The following EYS variants were observed in gnomAD, a reference collection of about 807,000 sequenced individuals.
EYS encodes the protein EGF-like photoreceptor maintenance factor, also known as protein eyes shut homolog.
A neutral mutation model predicts 282.1 loss-of-function variants in EYS; 250 were observed. The ratio of observed to expected loss-of-function variants is 0.89; its 90% CI spans 0.80 to 0.98. EYS has a LOEUF of 0.98. Among genes scored for constraint, EYS ranks in the 50% least tolerant of loss-of-function variants. The probability of loss-of-function intolerance (pLI) is 0.00; values close to 1 mark genes in which losing one functional copy is unlikely to be tolerated. For missense variants in EYS, 4,016 were observed against 3,709.0 expected (o/e 1.08, Z -2.15); for synonymous variants, 1,355 against 1,282.9 (o/e 1.06, Z -1.20).
chr6:64,748,806 T>C (rs551972966), intron 22 of EYS, among the ~76,000 whole-genome samples: 93 of 152,332 alleles, frequency 6.1e-4, no homozygotes, highest in African/African-American at 2.0e-3. Context: ...GGAGTCTCAC[T>C]CTGTTGCCCA....
At chr6:64,681,547 C>G (rs138347131) in intron 22 of EYS, among the ~76,000 whole-genome samples, 21 of 152,176 alleles carry the variant, frequency 1.4e-4, no homozygotes, top group African/African-American at 5.1e-4. Context: ...GCTCTTCCCT[C>G]GTCCACTAGG....
chr6:64,854,349 C>T (rs1011197704), intron 19 of EYS, among the ~76,000 whole-genome samples: 2 of 151,896 alleles, frequency 1.3e-5, no homozygotes, highest in Non-Finnish European at 2.9e-5. Context: ...TGGAACCAAC[C>T]CAAATGTCCA....
At chr6:65,266,180 AT>A (rs1220804223) in intron 12 of EYS, among the ~76,000 whole-genome samples, 3 of 151,942 alleles carry the variant, frequency 2.0e-5, no homozygotes, top group Admixed American at 2.0e-4. Flanking sequence ...TAACTGTTCA[AT>A]CAACTTAAGA....
intron 31 of EYS, among the ~76,000 whole-genome samples, chr6:64,128,097 A>C (rs901802719): frequency 6.6e-6 from 1 of 152,098 alleles, no homozygotes; most frequent in African/African-American, 2.4e-5. Flanking sequence ...ACATCTAAAG[A>C]GCTTCATAAA....
intron 31 of EYS, among the ~76,000 whole-genome samples, chr6:64,207,185 C>T (rs965152932): frequency 6.6e-5 from 10 of 151,992 alleles, no homozygotes; most frequent in African/African-American, 2.2e-4. Context: ...TAGATTAATG[C>T]TATTATCCTG....
At chr6:65,595,227 C>A (rs1332666185) in intron 2 of EYS, among the ~76,000 whole-genome samples, 5 of 151,950 alleles carry the variant, frequency 3.3e-5, no homozygotes, top group African/African-American at 4.8e-5. Flanking sequence ...GAACAAAAAA[C>A]CAAACACCAC....
In EYS at chr6:64,058,235, C is replaced by G. The variant is rs184720726; in HGVS notation, c.6725+8103G>C. Among the ~76,000 whole-genome samples, 119 of 151,562 alleles carry G rather than the reference C, an allele frequency of 7.9e-4. No homozygotes were observed. In the East Asian group the frequency reaches 0.02, roughly 25 times the overall value. On this transcript the variant is annotated intron_variant, in intron 33 of 42. Coordinates refer to ENST00000503581, the MANE Select transcript of EYS (RefSeq NM_001142800.2). ...CTTCTGCCATGATTGTGAGGCCTCC[C>G]CAGTCATGTGGAACTGTGAGTCCAT...
chr6:64,982,104 T>C (rs1049142466), intron 14 of EYS, among the ~76,000 whole-genome samples: 7 of 151,360 alleles, frequency 4.6e-5, no homozygotes, highest in Non-Finnish European at 1.0e-4. Flanking sequence ...GCTTAATTAG[T>C]GGGTGTGGCA....
chr6:63,948,922 T>C (rs1765481751), intron 35 of EYS, among the ~76,000 whole-genome samples: 1 of 152,196 alleles, frequency 6.6e-6, no homozygotes, highest in African/African-American at 2.4e-5. Context: ...CTATATATTA[T>C]CTTCTACTTT....
chr6:64,071,542 CAT>C (rs1491487366), intron 32 of EYS, among the ~76,000 whole-genome samples: 5 of 151,146 alleles, frequency 3.3e-5, no homozygotes, highest in Admixed American at 1.3e-4. Context: ...AAATCTTTGA[CAT>C]TTTTTTATTA....
At chr6:65,020,308 C>A (rs929541731) in intron 13 of EYS, among the ~76,000 whole-genome samples, 3 of 152,124 alleles carry the variant, frequency 2.0e-5, no homozygotes, top group Admixed American at 6.5e-5. Context: ...TTCCTAGATA[C>A]AATGTGAGTA....
intron 22 of EYS, among the ~76,000 whole-genome samples, chr6:64,691,034 AGAG>A (rs1477860187): frequency 6.6e-6 from 1 of 152,040 alleles, no homozygotes; most frequent in Non-Finnish European, 1.5e-5. Flanking sequence ...TAATATTAAA[AGAG>A]GAAAATATAA....
chr6:65,239,197 A>T (rs1766998113), intron 12 of EYS, among the ~76,000 whole-genome samples: 1 of 152,080 alleles, frequency 6.6e-6, no homozygotes, highest in South Asian at 2.1e-4. Context: ...TCACAGGGTG[A>T]TGCTCATTGT....
At chr6:64,081,501 C>T (rs1048075418) in intron 32 of EYS, among the ~76,000 whole-genome samples, 5 of 152,084 alleles carry the variant, frequency 3.3e-5, no homozygotes, top group African/African-American at 1.2e-4. Context: ...AATGCCTTTT[C>T]CCAAGTTATC....
chr6:64,463,422 C>T (rs1775820256), intron 26 of EYS, among the ~76,000 whole-genome samples: 1 of 152,214 alleles, frequency 6.6e-6, no homozygotes, highest in South Asian at 2.1e-4. Context: ...TATTGAACTA[C>T]TTTTCATCTA....
chr6:65,670,924 C>T (rs879414262), intron 1 of EYS, among the ~76,000 whole-genome samples: 16 of 151,400 alleles, frequency 1.1e-4, no homozygotes, highest in African/African-American at 1.9e-4. Flanking sequence ...TTCTTTTCAC[C>T]GAGACACATT....
At chr6:64,655,124 C>T (rs561125293) in intron 22 of EYS, among the ~76,000 whole-genome samples, 33 of 152,132 alleles carry the variant, frequency 2.2e-4, no homozygotes, top group Non-Finnish European at 4.6e-4. Flanking sequence ...AGCCCTCTTC[C>T]TCTTAACCCC....
intron 12 of EYS, among the ~76,000 whole-genome samples, chr6:65,216,087 A>G (rs920792267): frequency 2.0e-5 from 3 of 152,152 alleles, no homozygotes; most frequent in Non-Finnish European, 4.4e-5. Context: ...ATGTACTTAC[A>G]TATAAAGTGT....
chr6:63,798,986 T>TATATATA (rs1770713051), intron 37 of EYS, among the ~76,000 whole-genome samples: 1 of 54,420 alleles, frequency 1.8e-5, no homozygotes, highest in Non-Finnish European at 3.2e-5. Flanking sequence ...TGTATATGTG[T>TATATATA]GTATATATAT....
Sources: allele counts gnomAD v4.1 joint callset (sites outside exome capture counted in the v4.1 genomes callset), GRCh38; gene constraint gnomAD v4.1.1; transcripts MANE v1.5; gene names NCBI Gene and HGNC (gene_info 2026-07-23, HGNC 2026-07-21).